The following MTFR1 variants were observed in gnomAD, a reference collection of about 807,000 sequenced individuals.
MTFR1 encodes chondrocyte protein with a poly-proline region.
Under a neutral mutation model 38.8 loss-of-function variants are expected in MTFR1, and 28 were observed. The observed-to-expected ratio is 0.72, with a 90% confidence interval of 0.53 to 0.99. The LOEUF (loss-of-function observed/expected upper bound fraction) is 0.99. MTFR1 is among the 50% of genes least tolerant of loss of function. MTFR1 has a pLI of 0.00. For synonymous variants in MTFR1, 145 were observed against 137.0 expected (o/e 1.06, Z -0.41); for missense variants, 358 against 395.5 (o/e 0.91, Z 0.81).
In MTFR1 at chr8:65,649,522, G is replaced by A. The variant is rs535641156; in HGVS notation, c.-81+4738G>A. On this transcript the variant is annotated intron_variant, in intron 1 of 7. Transcript: ENST00000262146. ...TTTTTATTTTTGTGGGTACATAATA[G>A]GTATATGTATTTATGGGGTACGTGA... Among the ~76,000 whole-genome samples, 16 of 152,122 alleles carry A rather than the reference G, an allele frequency of 1.1e-4. 1 individual carries two copies. The highest frequency in any genetic ancestry group is 9.2e-4 in the Admixed American group (14 of 15,250).
At chr8:65,644,134 A>G (rs1379408500), upstream of MTFR1, among the ~76,000 whole-genome samples, 1 of 152,248 alleles carries the variant, frequency 6.6e-6, no homozygotes, top group African/African-American at 2.4e-5. Context: ...CACGACAATT[A>G]TTTGAAATCC....
chr8:65,712,358 G>C (rs1414023088), downstream of MTFR1, among the ~76,000 whole-genome samples: 1 of 152,158 alleles, frequency 6.6e-6, no homozygotes, highest in Non-Finnish European at 1.5e-5. Flanking sequence ...TGGTAATGTA[G>C]AGACTGCTCT....
At chr8:65,693,580 TA>T (rs916071028) in intron 3 of MTFR1, 63 bp from the exon 4 acceptor site, 129 of 1,401,214 alleles carry the variant, frequency 9.2e-5, no homozygotes, top group Middle Eastern at 1.8e-4. Flanking sequence ...TTTAGGTGAG[TA>T]AAAAAAATTT....
chr8:65,699,536 A>G (rs1327742660), intron 4 of MTFR1, among the ~76,000 whole-genome samples: 1 of 152,128 alleles, frequency 6.6e-6, no homozygotes, highest in Non-Finnish European at 1.5e-5. Context: ...CTCCCAAGCA[A>G]TTATGTCCTT....
rs530637259 is a variant in MTFR1, at chr8:65,686,798, T to A, written c.165+4347T>A. Among the ~76,000 whole-genome samples the A allele has an allele frequency of 2.6e-5, 4 of 151,524 alleles. 1 individual carries two copies. In the East Asian group the frequency reaches 7.8e-4, roughly 30 times the overall value. On this transcript the variant is annotated intron_variant, in intron 3 of 7. Coordinates refer to ENST00000262146, the MANE Select transcript of MTFR1 (RefSeq NM_014637.4). Reference sequence around the variant, plus strand: ...ATTAGCCGGGCGTGGTGGCAAGTTCTTGTCATCCCAGCTACTTAGGAGGCT... The same window carrying A: ...ATTAGCCGGGCGTGGTGGCAAGTTCATGTCATCCCAGCTACTTAGGAGGCT...
chr8:65,684,486 A>G (rs998527194), intron 3 of MTFR1, among the ~76,000 whole-genome samples: 2 of 151,778 alleles, frequency 1.3e-5, no homozygotes, highest in Non-Finnish European at 2.9e-5. Flanking sequence ...CCCAGCTTCA[A>G]GCAGTTCTCC....
In MTFR1 at chr8:65,730,171, C is replaced by CTTCTTTTT. The variant is rs1295965698; in HGVS notation, c.*48+10692_*48+10693insCTTTTTTT. ...TGTGAGGGATCCAGGTTGCGCACTT[C>CTTCTTTTT]TTTTTTTTTTTTTTTTTTTTTTTTT... is the stretch of plus-strand genomic sequence containing the variant. On this transcript the variant is annotated intron_variant, in intron 3 of 3. Transcript: ENST00000521247. Among the ~76,000 whole-genome samples the CTTCTTTTT allele has an allele frequency of 1.4e-3, 118 of 86,436 alleles. 15 individuals carry two copies. Among genetic ancestry groups the CTTCTTTTT allele is most frequent in the South Asian group, 3.3e-3 (7 of 2,108 alleles). 56.7% of individuals were successfully genotyped at this position (86,436 alleles called of 152,430 possible).
chr8:65,724,089 CAG>C (rs1806506464), intron 3 of MTFR1, among the ~76,000 whole-genome samples: 1 of 152,154 alleles, frequency 6.6e-6, no homozygotes, highest in Non-Finnish European at 1.5e-5. Flanking sequence ...ATTTTCAAAA[CAG>C]ATGCTCAATT....
chr8:65,654,648 G>A (rs1315184748), intron 1 of MTFR1, among the ~76,000 whole-genome samples: 3 of 152,168 alleles, frequency 2.0e-5, no homozygotes, highest in African/African-American at 7.2e-5. Flanking sequence ...CGCACTGATA[G>A]CTCATTGTAA....
exon 3 of MTFR1, chr8:65,719,436 T>C (rs757381959): frequency 9.9e-6 from 16 of 1,614,152 alleles, no homozygotes; most frequent in Non-Finnish European, 1.3e-5. Context: ...TGGGATAGCC[T>C]TGTATTGGAA....
intron 3 of MTFR1, chr8:65,724,882 G>A (rs746900243): frequency 1.2e-6 from 2 of 1,609,468 alleles, no homozygotes; most frequent in South Asian, 1.1e-5. Flanking sequence ...TGATGTCTGT[G>A]GCTAGTATCA....
intron 1 of MTFR1, among the ~76,000 whole-genome samples, chr8:65,659,046 T>G (rs2129048642): frequency 6.6e-6 from 1 of 152,200 alleles, no homozygotes; most frequent in Non-Finnish European, 1.5e-5. Flanking sequence ...CTGTTGAAGA[T>G]AAGATACAGA....
intron 1 of MTFR1, among the ~76,000 whole-genome samples, chr8:65,662,853 G>A (rs1440113570): frequency 6.6e-6 from 1 of 151,404 alleles, no homozygotes; most frequent in East Asian, 2.0e-4. Flanking sequence ...GTCCGGAAGG[G>A]AGGTGGGGGG....
chr8:65,682,444 A>G lies in MTFR1; in HGVS notation c.158A>G (p.Gln53Arg). Reference sequence around the variant, plus strand: ...TCTCTGATTCAGTGTCCAAGAGTTCAGTTTCAGGTATTATATTTTATATAT... The same window carrying G: ...TCTCTGATTCAGTGTCCAAGAGTTCGGTTTCAGGTATTATATTTTATATAT... ...NLSLIQCPRV[Q>R]FQINSHATEW... Residue 53 changes from glutamine (Q) to arginine (R), a missense_variant, in exon 3 of 8, where the codon CAG (glutamine) becomes CGG (arginine). Transcript: ENST00000262146. The G allele has an allele frequency of 6.8e-7, 1 of 1,467,726 alleles. No individual in the cohort carries two copies. Among genetic ancestry groups the G allele is most frequent in the Non-Finnish European group, 9.2e-7 (1 of 1,089,734 alleles). 90.9% of individuals were successfully genotyped at this position (1,467,726 alleles called of 1,614,324 possible). A position where few individuals can be genotyped will look rare whatever the true frequency, so the allele number is the denominator to read the frequency against.
At chr8:65,715,872 C>T (rs959628661) in intron 2 of MTFR1, among the ~76,000 whole-genome samples, 7 of 150,162 alleles carry the variant, frequency 4.7e-5, no homozygotes, top group Admixed American at 1.3e-4. Flanking sequence ...CCTGTAGTCC[C>T]AGCGACCTGG....
intron 2 of MTFR1, among the ~76,000 whole-genome samples, chr8:65,678,840 G>T (rs998005284): frequency 2.6e-5 from 4 of 151,846 alleles, no homozygotes; most frequent in African/African-American, 7.3e-5. Flanking sequence ...AGCCGAGATC[G>T]CACCACTGCA....
At chr8:65,711,424 C>G (rs1805942012), downstream of MTFR1, among the ~76,000 whole-genome samples, 1 of 152,192 alleles carries the variant, frequency 6.6e-6, no homozygotes, top group Non-Finnish European at 1.5e-5. Context: ...TAGAAGTTCT[C>G]TCTGTGGGAT....
intron 1 of MTFR1, among the ~76,000 whole-genome samples, chr8:65,656,739 G>T (rs973841716): frequency 3.3e-5 from 5 of 151,848 alleles, no homozygotes; most frequent in African/African-American, 1.2e-4. Context: ...GACCTCAGGT[G>T]ATCCGCCTGC....
chr8:65,682,934 A>G, intron 3 of MTFR1: 1 of 985,088 alleles, frequency 1.0e-6, no homozygotes, highest in Non-Finnish European at 1.2e-6. Flanking sequence ...TGACAGTGTC[A>G]AGACAAAAAG....
Sources: gnomAD v4.1 joint callset for allele counts (sites outside exome capture counted in the v4.1 genomes callset) on GRCh38, gnomAD v4.1.1 for gene constraint, MANE v1.5 for transcripts, NCBI Gene and HGNC (gene_info 2026-07-23, HGNC 2026-07-21) for gene names.